The following CLNK variants were observed in gnomAD, a reference collection of about 807,000 sequenced individuals.
The protein encoded by CLNK is cytokine-dependent hematopoietic cell linker.
CLNK carries 74 observed loss-of-function variants against 68.6 expected under a neutral mutation model. The observed-to-expected ratio is 1.08, with a 90% CI of 0.89 to 1.31. CLNK has a LOEUF of 1.31. Among genes scored for constraint, CLNK ranks in the 50% most tolerant of loss-of-function variants. CLNK has a pLI of 0.00. For missense variants in CLNK, 553 were observed against 515.3 expected (o/e 1.07, Z -0.71); for synonymous variants, 198 against 172.2 (o/e 1.15, Z -1.17).
At chr4:10,699,220 A>G in the CLNK span, among the ~76,000 whole-genome samples, 52,419 of 74,644 alleles carry the variant, frequency 0.7, 19,323 homozygotes, top group Non-Finnish European at 0.78. Context: ...TACACACCAC[A>G]TATGTGTGTG....
intron 17 of CLNK, 145 bp from the exon 18 acceptor site, chr4:10,501,556 G>C: frequency 1.3e-6 from 1 of 756,898 alleles, no homozygotes; most frequent in Non-Finnish European, 2.1e-6. Flanking sequence ...AGTTTTTACT[G>C]AGTGTCTGTA....
chr4:10,605,256 A>T (rs1424189813), intron 2 of CLNK, among the ~76,000 whole-genome samples: 1 of 152,172 alleles, frequency 6.6e-6, no homozygotes, highest in African/African-American at 2.4e-5. Flanking sequence ...CTACGGATAC[A>T]TATGTATATA....
At chr4:10,679,303 G>A (rs1185715985) in intron 1 of CLNK, among the ~76,000 whole-genome samples, 1 of 152,170 alleles carries the variant, frequency 6.6e-6, no homozygotes, top group Non-Finnish European at 1.5e-5. Flanking sequence ...TGGGAAAACT[G>A]GCTAGCCATA....
At chr4:10,705,151 A>G in the CLNK span, among the ~76,000 whole-genome samples, 11 of 152,324 alleles carry the variant, frequency 7.2e-5, no homozygotes, top group East Asian at 1.5e-3. Flanking sequence ...CTTATGTAAA[A>G]CACTCTTTGG....
chr4:10,572,144 G>T (rs749137885), intron 4 of CLNK, among the ~76,000 whole-genome samples: 1 of 152,206 alleles, frequency 6.6e-6, no homozygotes, highest in Admixed American at 6.5e-5. Context: ...AGCTAATGAT[G>T]AGTTTTATTT....
chr4:10,601,672 A>C (rs912336101), intron 2 of CLNK, among the ~76,000 whole-genome samples: 4 of 152,170 alleles, frequency 2.6e-5, no homozygotes, highest in Non-Finnish European at 4.4e-5. Flanking sequence ...CAAGTTGGCT[A>C]CCCCACCTGG....
chr4:10,715,391 C>T, the CLNK span, among the ~76,000 whole-genome samples: 1 of 152,170 alleles, frequency 6.6e-6, no homozygotes, highest in Non-Finnish European at 1.5e-5. Context: ...TGAGCTGAAT[C>T]CAGACCTGGG....
At chr4:10,680,299 T>C (rs1358445976) in intron 1 of CLNK, among the ~76,000 whole-genome samples, 1 of 137,248 alleles carries the variant, frequency 7.3e-6, no homozygotes, top group Non-Finnish European at 1.5e-5. Context: ...TTCTCACTCA[T>C]AGGTGGGAAT....
intron 17 of CLNK, among the ~76,000 whole-genome samples, chr4:10,507,678 C>G (rs1289211738): frequency 6.6e-6 from 1 of 151,786 alleles, no homozygotes; most frequent in African/African-American, 2.4e-5. Context: ...AACGGGGTTT[C>G]ACCATGTTGT....
chr4:10,576,269 A>T (rs1435941472), intron 4 of CLNK, among the ~76,000 whole-genome samples: 1 of 152,150 alleles, frequency 6.6e-6, no homozygotes, highest in Non-Finnish European at 1.5e-5. Flanking sequence ...GACCTGAAAG[A>T]CAGATTGGCT....
chr4:10,530,790 C>G (rs1414467168), intron 12 of CLNK, among the ~76,000 whole-genome samples: 1 of 152,160 alleles, frequency 6.6e-6, no homozygotes, highest in Non-Finnish European at 1.5e-5. Context: ...GTCCTGTATT[C>G]AGGCACCTTG....
the CLNK span, among the ~76,000 whole-genome samples, chr4:10,690,741 C>T: frequency 2.0e-5 from 3 of 152,078 alleles, no homozygotes; most frequent in Non-Finnish European, 4.4e-5. Context: ...ATACCAGTCT[C>T]GGAGTCACCA....
chr4:10,558,234 C>A (rs1719751958), intron 8 of CLNK, among the ~76,000 whole-genome samples, 173 bp downstream of exon 8: 1 of 152,108 alleles, frequency 6.6e-6, no homozygotes, highest in South Asian at 2.1e-4. Context: ...AATAAATAGG[C>A]ATAAAGTATG....
chr4:10,657,767 G>T (rs1388322878), intron 2 of CLNK, among the ~76,000 whole-genome samples: 1 of 152,196 alleles, frequency 6.6e-6, no homozygotes, highest in East Asian at 1.9e-4. Flanking sequence ...AAAATTGTCA[G>T]CCAGATTCAG....
At chr4:10,561,420 G>A (rs1449225116) in intron 7 of CLNK, among the ~76,000 whole-genome samples, 3 of 152,150 alleles carry the variant, frequency 2.0e-5, no homozygotes, top group Admixed American at 1.3e-4. Flanking sequence ...AATAGAAAGT[G>A]TAAGAGTAAA....
At chr4:10,595,862 A>G (rs1334326612) in intron 3 of CLNK, among the ~76,000 whole-genome samples, 1 of 152,170 alleles carries the variant, frequency 6.6e-6, no homozygotes, top group Non-Finnish European at 1.5e-5. Flanking sequence ...AGCTGTTAGA[A>G]CAGCACCTAG....
intron 2 of CLNK, among the ~76,000 whole-genome samples, chr4:10,651,857 T>C (rs2108882635): frequency 6.6e-6 from 1 of 152,122 alleles, no homozygotes; most frequent in South Asian, 2.1e-4. Context: ...TACTTGTGTA[T>C]TAAAATATCT....
At chr4:10,699,529 T>TC in the CLNK span, among the ~76,000 whole-genome samples, 109 of 113,758 alleles carry the variant, frequency 9.6e-4, 7 homozygotes, top group Middle Eastern at 5.0e-3. Flanking sequence ...TTTTTTTTTT[T>TC]CTGAGACGGT....
chr4:10,509,871 G>A (rs997494678), intron 16 of CLNK, among the ~76,000 whole-genome samples: 1 of 152,256 alleles, frequency 6.6e-6, no homozygotes, highest in East Asian at 1.9e-4. Flanking sequence ...CCAGGGGAGA[G>A]GTAGTGCTGA....
Sources: allele counts gnomAD v4.1 joint callset (sites outside exome capture counted in the v4.1 genomes callset), GRCh38; gene constraint gnomAD v4.1.1; transcripts MANE v1.5; gene names NCBI Gene and HGNC (gene_info 2026-07-23, HGNC 2026-07-21).